MGST1: variants seen among roughly 807,000 people sequenced by gnomAD.
MGST1 encodes the protein microsomal glutathione S-transferase 1, also known as glutathione S-transferase 12.
In MGST1, 5 loss-of-function variants were observed where a neutral mutation model predicts 8.9. The ratio of observed to expected loss-of-function variants is 0.56; its 90% CI spans 0.29 to 1.19. The LOEUF (loss-of-function observed/expected upper bound fraction) is 1.19. MGST1 is among the 50% of genes most tolerant of loss of function. The pLI is 0.08. For missense variants in MGST1, 182 were observed against 187.4 expected, an observed-to-expected ratio of 0.97 and a Z score of 0.17; for synonymous variants, 54 against 67.8, an observed-to-expected ratio of 0.80 and a Z score of 1.00.
Position 16,413,522 on chromosome 12 carries a change from G to A in MGST1, n.779-23866G>A, listed in dbSNP as rs542630944. On this transcript the variant is annotated intron_variant and non_coding_transcript_variant, in intron 1 of 1. Coordinates refer to the MGST1 transcript ENST00000359720. The surrounding 1 kb of genome is among the most constrained non-coding windows in gnomAD (Gnocchi z 4.0). ...TTGAAAGAGAATTCTCCCAGCATCC[G>A]TATCTGGATTGAAAGGGTAGATGGT... Among the ~76,000 whole-genome samples, 6 of 152,208 alleles carry A rather than the reference G, an allele frequency of 3.9e-5. No homozygotes were observed. Among genetic ancestry groups the A allele is most frequent in the Non-Finnish European group, 7.4e-5 (5 of 68,022 alleles).
At chr12:16,406,236 A>G (rs556180588) in intron 1 of MGST1, among the ~76,000 whole-genome samples, 466 of 152,276 alleles carry the variant, frequency 3.1e-3, no homozygotes, top group Middle Eastern at 6.8e-3. Context: ...GAAAATCAAT[A>G]TACAAAAATC....
At chr12:16,438,313 C>T (rs1445112326) in exon 2 of MGST1, 3 of 151,882 alleles carry the variant, frequency 2.0e-5, no homozygotes, top group African/African-American at 2.4e-5. Context: ...CAACCCTCAG[C>T]CACTGGGATA....
chr12:16,354,590 T>C (rs1939626019), intron 2 of MGST1: 1 of 379,012 alleles, frequency 2.6e-6, no homozygotes, highest in African/African-American at 2.1e-5. Context: ...TTTTTCATTA[T>C]GGCTTTTACC....
In MGST1 at chr12:16,347,890, C is replaced by T. The variant is rs1387735256; in HGVS notation, c.-23+180C>T. On this transcript the variant is annotated intron_variant, in intron 1 of 3. Transcript: ENST00000396210. The surrounding 1 kb of genome is among the most constrained non-coding windows in gnomAD (Gnocchi z 4.0). ...TTTGAAAGGGAATTGTATTTCTGTC[C>T]CCGTGCGGGTAAGTTTTCCCATTTC... is the stretch of plus-strand genomic sequence containing the variant. 6.6e-6 allele frequency: 1 copy of T among 152,144 alleles called. No individual in the cohort carries two copies. The highest frequency in any genetic ancestry group is 2.4e-5 in the African/African-American group (1 of 41,408). 9.4% of individuals were successfully genotyped at this position (152,144 alleles called of 1,614,324 possible). A position where few individuals can be genotyped will look rare whatever the true frequency, so the allele number is the denominator to read the frequency against.
chr12:16,379,108 C>T (rs2137037051), downstream of MGST1, among the ~76,000 whole-genome samples: 1 of 152,258 alleles, frequency 6.6e-6, no homozygotes, highest in South Asian at 2.1e-4. Context: ...GACAATTTGA[C>T]TTCCTCTTTT....
At position 16,560,569 on chromosome 12, in the gene MGST1, A is replaced by C; in HGVS notation, n.483-28959A>C. The C allele has an allele frequency of 2.5e-6, 4 of 1,573,856 alleles. No homozygotes were observed. Among genetic ancestry groups the C allele is most frequent in the Non-Finnish European group, 3.5e-6 (4 of 1,149,702 alleles). Reference sequence around the variant, plus strand: ...ATAAGAAACATTTTTTTTTTTTTACAAACTCTTACAGAGAAATCTGAGATC... The same window carrying C: ...ATAAGAAACATTTTTTTTTTTTTACCAACTCTTACAGAGAAATCTGAGATC... On this transcript the variant is annotated intron_variant and non_coding_transcript_variant, in intron 4 of 4. Transcript: ENST00000538857. This position sits in a 1 kb window ranked among gnomAD's most constrained non-coding sequence, Gnocchi z 5.0.
chr12:16,418,656 C>T (rs575446952), intron 1 of MGST1, among the ~76,000 whole-genome samples: 5 of 152,020 alleles, frequency 3.3e-5, no homozygotes, highest in African/African-American at 1.2e-4. Context: ...AAGCAGATAG[C>T]CTGTGTTTAA....
chr12:16,452,073 T>C (rs893795850), intron 4 of MGST1, among the ~76,000 whole-genome samples: 4 of 151,962 alleles, frequency 2.6e-5, no homozygotes, highest in Admixed American at 2.6e-4. Context: ...TTTTTAAAGA[T>C]TGATAACCCT....
At chr12:16,535,297 G>A (rs144006250) in intron 4 of MGST1, among the ~76,000 whole-genome samples, 6 of 152,300 alleles carry the variant, frequency 3.9e-5, no homozygotes, top group East Asian at 1.9e-4. Context: ...AGTGGCCTCC[G>A]CGAGAGTTAG....
chr12:16,449,774 C>T (rs1448982091), intron 4 of MGST1, among the ~76,000 whole-genome samples: 1 of 151,914 alleles, frequency 6.6e-6, no homozygotes, highest in African/African-American at 2.4e-5. Context: ...TCCACTCATC[C>T]ATCTATCCCC....
In MGST1 at chr12:16,583,410, CAT is replaced by C. The variant is rs536866094; in HGVS notation, n.483-6115_483-6114del. Among the ~76,000 whole-genome samples, 13 of 151,944 alleles carry C rather than the reference CAT, an allele frequency of 8.6e-5. No individual in the cohort carries two copies. In the South Asian group the frequency reaches 2.7e-3, roughly 32 times the overall value. On this transcript the variant is annotated intron_variant and non_coding_transcript_variant, in intron 4 of 4. Coordinates refer to the MGST1 transcript ENST00000538857. The stretch of plus-strand genomic sequence containing the variant: ...AGAACAGAAAAATCTTGGGTACAGC[CAT>C]ATGTTGACAGTCAAGTAATTGTAGA...
chr12:16,437,698 T>G (rs938587238), exon 2 of MGST1: 3 of 152,044 alleles, frequency 2.0e-5, no homozygotes, highest in Non-Finnish European at 4.4e-5. Context: ...CCTTCCATGC[T>G]GTTGCAAACA....
At chr12:16,419,059 G>C (rs1211100327) in intron 1 of MGST1, among the ~76,000 whole-genome samples, 1 of 152,096 alleles carries the variant, frequency 6.6e-6, no homozygotes, top group African/African-American at 2.4e-5. Context: ...CTTCTCCATG[G>C]CTTTTCAGCA....
At chr12:16,432,246 G>T (rs1940944458) in intron 1 of MGST1, among the ~76,000 whole-genome samples, 1 of 152,116 alleles carries the variant, frequency 6.6e-6, no homozygotes, top group Non-Finnish European at 1.5e-5. Context: ...GTGGATCCCA[G>T]GCAGTCCAGA....
At chr12:16,561,960 A>G (rs373128545) in intron 4 of MGST1, among the ~76,000 whole-genome samples, 1 of 152,230 alleles carries the variant, frequency 6.6e-6, no homozygotes, top group Non-Finnish European at 1.5e-5. Flanking sequence ...TAATTGTTAG[A>G]CACTTATTTT....
chr12:16,423,784 G>A (rs1433281684), intron 1 of MGST1, among the ~76,000 whole-genome samples: 1 of 152,104 alleles, frequency 6.6e-6, no homozygotes, highest in Non-Finnish European at 1.5e-5. Flanking sequence ...CAGATCTAAG[G>A]TAAGTCAATT....
Position 16,413,878 on chromosome 12 carries a change from T to G in MGST1, n.779-23510T>G, listed in dbSNP as rs1428055282. 6.6e-6 allele frequency among the ~76,000 whole-genome samples: 1 copy of G among 152,194 alleles called. No homozygotes were observed. The highest frequency in any genetic ancestry group is 2.4e-5 in the African/African-American group (1 of 41,444). On this transcript the variant is annotated intron_variant and non_coding_transcript_variant, in intron 1 of 1. Transcript: ENST00000359720. The surrounding 1 kb of genome is among the most constrained non-coding windows in gnomAD (Gnocchi z 4.0). The stretch of plus-strand genomic sequence containing the variant: ...CCATTGCCAAATCAATGAATGAAAG[T>G]ATACATATATTAATATGAATATGTG...
chr12:16,503,948 G>GTATGCTGCTGCCC lies in MGST1; in HGVS notation n.483-85568_483-85556dup. The stretch of plus-strand genomic sequence containing the variant: ...AAGGCACAGTACCTCCGGTGCTGCT[G>GTATGCTGCTGCCC]TATGCTGCTGCCCTATGCTGCTGCT... On this transcript the variant is annotated intron_variant and non_coding_transcript_variant, in intron 4 of 4. Coordinates refer to the MGST1 transcript ENST00000538857. The surrounding 1 kb of genome is among the most constrained non-coding windows in gnomAD (Gnocchi z 4.8). Among the ~76,000 whole-genome samples, 1 of 152,208 alleles carries GTATGCTGCTGCCC rather than the reference G, an allele frequency of 6.6e-6. No individual in the cohort carries two copies. Among genetic ancestry groups the GTATGCTGCTGCCC allele is most frequent in the Non-Finnish European group, 1.5e-5 (1 of 68,018 alleles).
intron 4 of MGST1, among the ~76,000 whole-genome samples, chr12:16,445,115 C>G (rs1941068869): frequency 6.6e-6 from 1 of 151,548 alleles, no homozygotes; most frequent in Admixed American, 6.6e-5. Context: ...GGCTTGCTGT[C>G]TAGCCCTTTT....
Sources: gnomAD v4.1 joint callset for allele counts (sites outside exome capture counted in the v4.1 genomes callset) on GRCh38, gnomAD v4.1.1 for gene constraint, Gnocchi (gnomAD v3.1) non-coding constraint, MANE v1.5 for transcripts, NCBI Gene and HGNC (gene_info 2026-07-23, HGNC 2026-07-21) for gene names.